GAK: variants seen among roughly 807,000 people sequenced by gnomAD.
GAK encodes cyclin-G-associated kinase.
GAK carries 79 observed loss-of-function variants against 143.9 expected under a neutral mutation model. The ratio of observed to expected loss-of-function variants is 0.55; its 90% CI spans 0.46 to 0.66. GAK has a LOEUF of 0.66. GAK is among the 30% of genes least tolerant of loss of function. The pLI, the probability that GAK is intolerant of heterozygous loss-of-function variation, is 0.00. For synonymous variants in GAK, 881 were observed against 765.5 expected, an observed-to-expected ratio of 1.15 and a Z score of -2.49; for missense variants, 1,693 against 1,779.7, an observed-to-expected ratio of 0.95 and a Z score of 0.88.
chr4:885,769 T>A (rs1320536098), intron 11 of GAK: 1 of 151,914 alleles, frequency 6.6e-6, no homozygotes, highest in Non-Finnish European at 1.5e-5. Context: ...GTCCTTTTTT[T>A]TTTTTCATTT....
At chr4:860,534 A>C (rs1487856434) in intron 23 of GAK, among the ~76,000 whole-genome samples, 1 of 152,188 alleles carries the variant, frequency 6.6e-6, no homozygotes, top group East Asian at 1.9e-4. Flanking sequence ...AACCACTCAA[A>C]CTAAGAGTCA....
chr4:850,101 G>C (rs753452389), intron 26 of GAK, 33 bp from the exon 27 acceptor site: 2 of 1,529,670 alleles, frequency 1.3e-6, no homozygotes, highest in Non-Finnish European at 1.8e-6. Context: ...CGAGCCCTGG[G>C]CACCTGCCTG....
In GAK at chr4:920,407, G is replaced by A. The variant is rs372948158; in HGVS notation, c.146-6739C>T. Reference sequence around the variant, plus strand: ...GTATCACACACAGTGCAGGGAAAGCGGAAGGAAAATGAGCAGGAAGGATGT... The same window carrying A: ...GTATCACACACAGTGCAGGGAAAGCAGAAGGAAAATGAGCAGGAAGGATGT... On this transcript the variant is annotated intron_variant, in intron 1 of 27. Coordinates refer to ENST00000314167, the MANE Select transcript of GAK (RefSeq NM_005255.4). Among the ~76,000 whole-genome samples the A allele has an allele frequency of 2.0e-3, 311 of 152,086 alleles. 13 individuals carry two copies. In the South Asian group the frequency reaches 0.06, roughly 29 times the overall value.
intron 1 of GAK, among the ~76,000 whole-genome samples, chr4:917,483 C>G (rs1251565598): frequency 1.3e-5 from 2 of 150,496 alleles, no homozygotes; most frequent in Admixed American, 6.6e-5. Flanking sequence ...CTCTAGAAAA[C>G]ACAAATGGAT....
intron 15 of GAK, among the ~76,000 whole-genome samples, chr4:881,606 C>A (rs182825528): frequency 6.6e-6 from 1 of 150,948 alleles, no homozygotes; most frequent in African/African-American, 2.4e-5. Context: ...GGCATTTTCA[C>A]GTGCATTATC....
At chr4:856,401 C>CCACAGGTGCT (rs1749215103) in intron 24 of GAK, among the ~76,000 whole-genome samples, 1 of 67,190 alleles carries the variant, frequency 1.5e-5, no homozygotes, top group Admixed American at 1.5e-4. Flanking sequence ...CTGCTCACCA[C>CCACAGGTGCT]CACAGCTGCT....
intron 5 of GAK, among the ~76,000 whole-genome samples, chr4:902,871 C>A (rs1720201664): frequency 6.6e-6 from 1 of 152,158 alleles, no homozygotes; most frequent in African/African-American, 2.4e-5. Flanking sequence ...TTGAAAAAGG[C>A]AAGAAACAAA....
At chr4:885,095 C>T (rs1716023858) in intron 11 of GAK, among the ~76,000 whole-genome samples, 3 of 151,298 alleles carry the variant, frequency 2.0e-5, no homozygotes, top group South Asian at 2.1e-4. Flanking sequence ...GTCTTCCGTG[C>T]GTTCAAACGT....
rs757185844 is a variant in GAK, at chr4:913,621, C to T, written c.193G>A (p.Glu65Lys). 6.2e-7 allele frequency: 1 copy of T among 1,613,550 alleles called. No homozygotes were observed. The change falls in exon 2 of 28, where the codon GAG becomes AAG. Residue 65 changes from glutamate to lysine, a missense_variant. Glu to Lys is a moderately conservative substitution (Grantham distance 56). Around this residue, in one of 2 missense-constraint regions of GAK, gnomAD observed 871 missense variants for 991.0 expected, o/e 0.88. Coordinates refer to ENST00000314167, the MANE Select transcript of GAK (RefSeq NM_005255.4). ...YEAQDVGSGR[E>K]YALKRLLSNE... ...TGGTTCATTACCTTTAATGCATACT[C>T]TCTGCCACTCCCCACATCTTGAGCT...
At chr4:924,903 C>T (rs1311870127) in intron 1 of GAK, among the ~76,000 whole-genome samples, 12 of 147,432 alleles carry the variant, frequency 8.1e-5, no homozygotes, top group Non-Finnish European at 1.4e-4. Flanking sequence ...GTGGAGTTCC[C>T]CCAGGGGCTG....
At chr4:883,538 C>T in intron 12 of GAK, 75 bp from the exon 13 acceptor site, 1 of 1,541,322 alleles carries the variant, frequency 6.5e-7, no homozygotes, top group Non-Finnish European at 8.8e-7. Context: ...GGCCTCGCTG[C>T]TCCTGACGCC....
intron 15 of GAK, among the ~76,000 whole-genome samples, chr4:881,052 G>T (rs996981172): frequency 6.6e-6 from 1 of 152,216 alleles, no homozygotes; most frequent in African/African-American, 2.4e-5. Flanking sequence ...CCAAGGCTGT[G>T]AGCAAACGAG....
At chr4:873,816 C>T (rs1463806095) in intron 18 of GAK, among the ~76,000 whole-genome samples, 4 of 152,166 alleles carry the variant, frequency 2.6e-5, no homozygotes, top group Admixed American at 6.6e-5. Flanking sequence ...GCAGTATAGA[C>T]TTGAGTTTTG....
At chr4:855,220 G>A (rs929887709) in intron 24 of GAK, among the ~76,000 whole-genome samples, 4 of 152,026 alleles carry the variant, frequency 2.6e-5, no homozygotes, top group East Asian at 3.9e-4. Flanking sequence ...TGAGTGCAGC[G>A]TCCGTCCCTT....
chr4:853,360 T>C (rs1267321479), intron 24 of GAK: 1 of 152,200 alleles, frequency 6.6e-6, no homozygotes, highest in African/African-American at 2.4e-5. Context: ...TGAATGAGAG[T>C]TTCCGTTTCT....
rs1560281597 is a variant in GAK, at chr4:856,570, CCACAGCTGCTCACCACCACAGGTGCT to C, written c.3283+3010_3283+3035del. 4.0e-4 allele frequency among the ~76,000 whole-genome samples: 36 copies of C among 90,430 alleles called. No individual in the cohort carries two copies. The East Asian group carries it at 4.6e-3, about 11-fold the overall frequency. The allele number at this position is 90,430 out of a possible 152,430, so 59.3% of individuals were successfully genotyped here. On this transcript the variant is annotated intron_variant, in intron 24 of 27. Transcript: ENST00000314167. ...ACCTGCTCACCACCACAGCTGCTCA[CCACAGCTGCTCACCACCACAGGTGCT>C]CACAGCTGCTCACCACAGGTGCTCA...
At chr4:880,016 G>A in intron 15 of GAK, among the ~76,000 whole-genome samples, 1 of 151,952 alleles carries the variant, frequency 6.6e-6, no homozygotes, top group Non-Finnish European at 1.5e-5. Context: ...CTGCCTGAGG[G>A]TCCTCTTTCC....
At chr4:849,811 C>G in intron 27 of GAK, 37 bp from the exon 28 acceptor site, 2 of 1,575,530 alleles carry the variant, frequency 1.3e-6, no homozygotes, top group Non-Finnish European at 1.7e-6. Flanking sequence ...CTCTTATAAG[C>G]ATGCGGGGGC....
intron 6 of GAK, among the ~76,000 whole-genome samples, chr4:896,824 C>T (rs376130924): frequency 2.6e-5 from 4 of 152,376 alleles, no homozygotes; most frequent in Middle Eastern, 3.4e-3. Context: ...TCGGCACCGA[C>T]GTATTGGCCT....
Sources: allele counts gnomAD v4.1 joint callset (sites outside exome capture counted in the v4.1 genomes callset), GRCh38; gene constraint gnomAD v4.1.1; regional missense constraint gnomAD v4.1.1; transcripts MANE v1.5; gene names NCBI Gene and HGNC (gene_info 2026-07-23, HGNC 2026-07-21).